The following SLC30A8 variants were observed in gnomAD, a reference collection of about 807,000 sequenced individuals.
SLC30A8 encodes solute carrier family 30 member 8, also known as proton-coupled zinc antiporter SLC30A8.
SLC30A8 carries 27 observed loss-of-function variants against 36.9 expected under a neutral mutation model. The observed-to-expected ratio is 0.73, with a 90% CI of 0.54 to 1.01. The LOEUF (loss-of-function observed/expected upper bound fraction) is 1.01, where lower values mean the gene tolerates loss of function less well. Among genes scored for constraint, SLC30A8 ranks in the 50% least tolerant of loss-of-function variants. The pLI, the probability that SLC30A8 is intolerant of heterozygous loss-of-function variation, is 0.00. For missense variants in SLC30A8, 439 were observed against 452.0 expected (o/e 0.97, Z 0.26); for synonymous variants, 164 against 172.4 (o/e 0.95, Z 0.38).
intron 1 of SLC30A8, among the ~76,000 whole-genome samples, chr8:117,036,050 C>G (rs927597232): frequency 3.3e-5 from 5 of 152,146 alleles, no homozygotes; most frequent in Non-Finnish European, 7.3e-5. Flanking sequence ...TCCCCATTGT[C>G]TTGGCTATTA....
chr8:116,984,835 A>G (rs769479246), intron 1 of SLC30A8, among the ~76,000 whole-genome samples: 5 of 152,010 alleles, frequency 3.3e-5, no homozygotes, highest in South Asian at 4.1e-4. Flanking sequence ...TGGATCTTTC[A>G]CAGAGGAAAT....
chr8:116,976,848 C>T (rs190799250), intron 1 of SLC30A8, among the ~76,000 whole-genome samples: 185 of 128,506 alleles, frequency 1.4e-3, no homozygotes, highest in African/African-American at 6.5e-3. Context: ...TACAGAGTCT[C>T]TCTCTGTTGC....
intron 1 of SLC30A8, among the ~76,000 whole-genome samples, chr8:116,981,062 G>C (rs1042231226): frequency 1.3e-5 from 2 of 152,180 alleles, no homozygotes; most frequent in African/African-American, 4.8e-5. Context: ...TGGCTCTTCT[G>C]CTTAGTGATG....
intron 2 of SLC30A8, among the ~76,000 whole-genome samples, chr8:117,081,621 AC>A (rs1818680528): frequency 6.6e-6 from 1 of 152,150 alleles, no homozygotes; most frequent in Non-Finnish European, 1.5e-5. Context: ...GGCTCTGGTG[AC>A]CTGGAGAATG....
chr8:117,137,398 A>ACTT (rs934018611), intron 1 of SLC30A8, among the ~76,000 whole-genome samples: 6 of 151,916 alleles, frequency 3.9e-5, no homozygotes, highest in Admixed American at 3.9e-4. Flanking sequence ...TCTGAAGAAA[A>ACTT]CTTTATTATC....
chr8:117,009,451 T>C (rs1021023090), intron 1 of SLC30A8, among the ~76,000 whole-genome samples: 2 of 152,242 alleles, frequency 1.3e-5, no homozygotes, highest in African/African-American at 4.8e-5. Flanking sequence ...CTTTGTTTTT[T>C]GTCATTCTTA....
intron 1 of SLC30A8, among the ~76,000 whole-genome samples, chr8:116,966,544 C>T (rs1212663501): frequency 6.6e-6 from 1 of 152,102 alleles, no homozygotes; most frequent in Admixed American, 6.6e-5. Context: ...CTCTAGGTAA[C>T]TTTAAGTAAT....
At position 116,977,106 on chromosome 8, in the gene SLC30A8, C is replaced by T. The variant is rs183033736; in HGVS notation, c.-266+25987C>T. 3.7e-4 allele frequency among the ~76,000 whole-genome samples: 55 copies of T among 148,330 alleles called. No homozygotes were observed. The East Asian group carries it at 7.5e-3, about 20-fold the overall frequency. On this transcript the variant is annotated intron_variant, in intron 1 of 10. Coordinates refer to the SLC30A8 transcript ENST00000427715. ...TGCTGGGATCATAGGCAGGAGCCAC[C>T]GTGCCTGGCCTTTTCTTTCTTTTTC... is the stretch of plus-strand genomic sequence containing the variant.
Position 117,173,674 on chromosome 8 carries a change from C to T in SLC30A8, c.*993C>T, listed in dbSNP as rs1451454124. The T allele has an allele frequency of 1.3e-5, 2 of 152,090 alleles. No homozygotes were observed. Among genetic ancestry groups the T allele is most frequent in the African/African-American group, 4.8e-5 (2 of 41,430 alleles). 9.4% of individuals were successfully genotyped at this position (152,090 alleles called of 1,614,324 possible). ...GGAGAGTAAACTGAAGATGTGCAGG[C>T]CAACATTCTGGAAATCCTATGTCAA... On this transcript the variant is annotated 3_prime_UTR_variant, in exon 8 of 8. Transcript: ENST00000456015.
chr8:117,154,387 T>C (rs1325135318), intron 3 of SLC30A8, among the ~76,000 whole-genome samples: 1 of 152,160 alleles, frequency 6.6e-6, no homozygotes, highest in Non-Finnish European at 1.5e-5. Flanking sequence ...TTCACACTGG[T>C]TGAGAACATC....
chr8:117,136,729 A>G (rs1290289858), intron 1 of SLC30A8, among the ~76,000 whole-genome samples: 1 of 152,018 alleles, frequency 6.6e-6, no homozygotes, highest in Non-Finnish European at 1.5e-5. Flanking sequence ...TATGGATACT[A>G]TCAATAGAGC....
At chr8:116,998,888 T>G (rs1405903436) in intron 1 of SLC30A8, among the ~76,000 whole-genome samples, 1 of 152,220 alleles carries the variant, frequency 6.6e-6, no homozygotes, top group East Asian at 1.9e-4. Context: ...TTCAGACTTG[T>G]GGCCTCCAGA....
chr8:117,100,632 G>C (rs1460958494), intron 2 of SLC30A8, among the ~76,000 whole-genome samples: 1 of 152,150 alleles, frequency 6.6e-6, no homozygotes, highest in Non-Finnish European at 1.5e-5. Context: ...GGGTCTCCTG[G>C]AATAGCATTT....
chr8:117,074,793 T>C (rs1323053662), intron 2 of SLC30A8, among the ~76,000 whole-genome samples: 2 of 152,174 alleles, frequency 1.3e-5, no homozygotes, highest in Non-Finnish European at 2.9e-5. Flanking sequence ...CTTTACTCTT[T>C]TCCATCCTTC....
chr8:117,168,226 C>A (rs550069081), intron 6 of SLC30A8, among the ~76,000 whole-genome samples: 165 of 152,170 alleles, frequency 1.1e-3, no homozygotes, highest in African/African-American at 3.9e-3. Context: ...TAGATATTAC[C>A]ATTTCTACCA....
chr8:117,118,520 C>T (rs1206251183), intron 2 of SLC30A8, among the ~76,000 whole-genome samples: 1 of 151,838 alleles, frequency 6.6e-6, no homozygotes, highest in Admixed American at 6.6e-5. Flanking sequence ...AAATTAAAAT[C>T]TTCTAAGATC....
chr8:117,055,956 C>T (rs1817857190), intron 2 of SLC30A8: 2 of 152,264 alleles, frequency 1.3e-5, no homozygotes, highest in South Asian at 2.1e-4. Flanking sequence ...GCAATAATTC[C>T]ATGCCCATAA....
At chr8:117,034,304 A>G (rs1256926377) in intron 1 of SLC30A8, among the ~76,000 whole-genome samples, 1 of 152,230 alleles carries the variant, frequency 6.6e-6, no homozygotes, top group Non-Finnish European at 1.5e-5. Flanking sequence ...TATGATGGAA[A>G]TCATCAGTTT....
At position 116,971,610 on chromosome 8, in the gene SLC30A8, CTT is replaced by C. The variant is rs1277270873; in HGVS notation, c.-266+20494_-266+20495del. ...GAAACATTTTTTTTTTTTCCAGAATCTTTTCCTCTGTGTTTTCAAAGAATCAA... is the reference window on the plus strand; with the variant it reads ...GAAACATTTTTTTTTTTTCCAGAATCTTCCTCTGTGTTTTCAAAGAATCAA... On this transcript the variant is annotated intron_variant, in intron 1 of 10. Transcript: ENST00000427715. 4.6e-5 allele frequency among the ~76,000 whole-genome samples: 7 copies of C among 150,742 alleles called. No homozygotes were observed. In the East Asian group the frequency reaches 1.4e-3, roughly 29 times the overall value.
Sources: gnomAD v4.1 joint callset for allele counts (sites outside exome capture counted in the v4.1 genomes callset) on GRCh38, gnomAD v4.1.1 for gene constraint, MANE v1.5 for transcripts, NCBI Gene and HGNC (gene_info 2026-07-23, HGNC 2026-07-21) for gene names.